Variants in NELL2 observed in about 807,000 individuals in gnomAD.
The protein encoded by NELL2 is protein kinase C-binding protein NELL2.
Under a neutral mutation model 109.6 loss-of-function variants are expected in NELL2, and 41 were observed. That is an observed-to-expected ratio of 0.37 (90% CI 0.29 to 0.49). The LOEUF is 0.49. NELL2 is among the 20% of genes least tolerant of loss of function. NELL2 has a pLI of 0.98. For synonymous variants in NELL2, 355 were observed against 344.7 expected (o/e 1.03, Z -0.33); for missense variants, 900 against 1,008.3 (o/e 0.89, Z 1.45).
intron 15 of NELL2, among the ~76,000 whole-genome samples, chr12:44,550,546 C>CATAAATAA (rs61282621): frequency 0.015 from 2,016 of 139,028 alleles, 22 homozygotes; most frequent in African/African-American, 0.02. Context: ...TCCATCTCAA[C>CATAAATAA]ATAAATAAAT....
In NELL2 at chr12:44,875,322, C is replaced by T; in HGVS notation, c.87G>A (p.Gln29=). 1 of 1,614,132 alleles carries T rather than the reference C, an allele frequency of 6.2e-7. No individual in the cohort carries two copies. The highest frequency in any genetic ancestry group is 8.5e-7 in the Non-Finnish European group (1 of 1,180,024). The change falls in exon 2 of 20, where the codon CAG becomes CAA. Residue 29 remains glutamine, a synonymous_variant. Coordinates refer to ENST00000429094, the MANE Select transcript of NELL2 (RefSeq NM_001145108.2). ...GTTCTAACTCTGTTAAGACGTCAAT[C>T]TGTAGGGAAGGGTCCACACCAAGCC... ...VWGLGVDPSL[Q]IDVLTELELG... is the part of the protein sequence containing the mutation.
chr12:44,718,889 C>T (rs1387131452), intron 9 of NELL2, among the ~76,000 whole-genome samples: 1 of 152,122 alleles, frequency 6.6e-6, no homozygotes, highest in African/African-American at 2.4e-5. Context: ...AGTGCATTCA[C>T]ATCATGGTCT....
At chr12:44,652,425 G>A (rs750192513) in intron 13 of NELL2, among the ~76,000 whole-genome samples, 4 of 152,278 alleles carry the variant, frequency 2.6e-5, no homozygotes, top group African/African-American at 4.8e-5. Context: ...TTCTAAAAAT[G>A]TTGAGCACCC....
At chr12:44,607,709 A>G (rs906431705) in intron 14 of NELL2, among the ~76,000 whole-genome samples, 20 of 152,084 alleles carry the variant, frequency 1.3e-4, no homozygotes, top group African/African-American at 4.8e-4. Flanking sequence ...CAAAGTGCCA[A>G]AATAGTAGGA....
chr12:44,560,258 A>G (rs1943418395), intron 15 of NELL2, among the ~76,000 whole-genome samples: 1 of 152,218 alleles, frequency 6.6e-6, no homozygotes, highest in Admixed American at 6.5e-5. Context: ...TAACATTACA[A>G]TTAAAAGAAC....
intron 15 of NELL2, among the ~76,000 whole-genome samples, chr12:44,583,177 G>A (rs140873841): frequency 7.9e-5 from 12 of 152,250 alleles, no homozygotes; most frequent in South Asian, 6.2e-4. Flanking sequence ...AGGAAGGTAC[G>A]GTGGAAGAAT....
intron 9 of NELL2, among the ~76,000 whole-genome samples, chr12:44,757,130 G>A (rs1490262187): frequency 6.6e-6 from 1 of 152,100 alleles, no homozygotes; most frequent in African/African-American, 2.4e-5. Context: ...TCCATGATAT[G>A]CCTCTCTCCC....
At chr12:44,544,431 G>T (rs1197696767) in intron 15 of NELL2, among the ~76,000 whole-genome samples, 3 of 152,096 alleles carry the variant, frequency 2.0e-5, no homozygotes, top group African/African-American at 7.2e-5. Context: ...ATAAACTTAT[G>T]TCCTGTATAT....
At chr12:44,744,603 A>T (rs1940211659) in intron 9 of NELL2, among the ~76,000 whole-genome samples, 2 of 152,234 alleles carry the variant, frequency 1.3e-5, no homozygotes, top group Admixed American at 6.5e-5. Context: ...ACGCAATAAA[A>T]AATGATAAAG....
intron 13 of NELL2, among the ~76,000 whole-genome samples, chr12:44,622,107 T>C (rs1002435206): frequency 6.6e-6 from 1 of 152,176 alleles, no homozygotes; most frequent in African/African-American, 2.4e-5. Flanking sequence ...GATGAATCAA[T>C]GATGGTTAGG....
intron 1 of NELL2, among the ~76,000 whole-genome samples, chr12:44,920,500 G>C (rs1346459003): frequency 6.6e-6 from 1 of 152,052 alleles, no homozygotes; most frequent in Non-Finnish European, 1.5e-5. Flanking sequence ...TCCTAATGTA[G>C]TCTCATCTAA....
chr12:44,631,068 T>C (rs1946438607), intron 13 of NELL2, among the ~76,000 whole-genome samples: 1 of 152,000 alleles, frequency 6.6e-6, no homozygotes, highest in Admixed American at 6.6e-5. Flanking sequence ...TTGAATTTCC[T>C]ACCTTCAGAA....
chr12:44,705,134 T>C (rs1426752274), intron 11 of NELL2, among the ~76,000 whole-genome samples: 1 of 152,056 alleles, frequency 6.6e-6, no homozygotes, highest in Non-Finnish European at 1.5e-5. Context: ...GGAAGTACTA[T>C]ATTGGTTCAT....
chr12:44,807,578 C>A (rs1378946441), intron 3 of NELL2, among the ~76,000 whole-genome samples: 1 of 151,416 alleles, frequency 6.6e-6, no homozygotes, highest in Admixed American at 6.6e-5. Context: ...TTTAGCAAAG[C>A]CAAAACAAGA....
At chr12:44,680,162 C>T (rs1432222807) in intron 12 of NELL2, among the ~76,000 whole-genome samples, 1 of 152,056 alleles carries the variant, frequency 6.6e-6, no homozygotes, top group East Asian at 1.9e-4. Flanking sequence ...TGTTACCCAT[C>T]CAGAGTTGCT....
chr12:44,683,196 T>C (rs2136376039), intron 12 of NELL2, among the ~76,000 whole-genome samples: 1 of 152,288 alleles, frequency 6.6e-6, no homozygotes, highest in South Asian at 2.1e-4. Flanking sequence ...GAACGGGAGT[T>C]CACTCATGAT....
At chr12:44,884,763 C>T (rs2136862630) in intron 1 of NELL2, among the ~76,000 whole-genome samples, 1 of 152,024 alleles carries the variant, frequency 6.6e-6, no homozygotes, top group South Asian at 2.1e-4. Context: ...CAAGATAATT[C>T]AGCACATTTA....
chr12:44,635,725 C>T (rs966095261), intron 13 of NELL2, among the ~76,000 whole-genome samples: 3 of 152,160 alleles, frequency 2.0e-5, no homozygotes, highest in East Asian at 1.9e-4. Flanking sequence ...CATGATGCCT[C>T]TAGCTTTGTT....
chr12:44,624,994 G>GTACATA lies in NELL2; in HGVS notation c.1445-14025_1445-14024insTATGTA, dbSNP rs759847225. Among the ~76,000 whole-genome samples the GTACATA allele has an allele frequency of 3.4e-5, 4 of 118,700 alleles. 1 individual carries two copies. In the South Asian group the frequency reaches 1.3e-3, roughly 38 times the overall value. 77.9% of individuals were successfully genotyped at this position (118,700 alleles called of 152,430 possible). A position where few individuals can be genotyped will look rare whatever the true frequency, so the allele number is the denominator to read the frequency against. On this transcript the variant is annotated intron_variant, in intron 13 of 19. Coordinates refer to ENST00000429094, the MANE Select transcript of NELL2 (RefSeq NM_001145108.2). ...AGATGACAAATATATATATATGTGTGTGTATATATATATATATATATATAT... is the reference window on the plus strand; with the variant it reads ...AGATGACAAATATATATATATGTGTGTACATATGTATATATATATATATATATATAT...
Sources: allele counts gnomAD v4.1 joint callset (sites outside exome capture counted in the v4.1 genomes callset), GRCh38; gene constraint gnomAD v4.1.1; transcripts MANE v1.5; gene names NCBI Gene and HGNC (gene_info 2026-07-23, HGNC 2026-07-21).